Variants in MBOAT2 observed in about 807,000 individuals in gnomAD.
MBOAT2 encodes membrane bound glycerophospholipid O-acyltransferase 2.
Under a neutral mutation model 63.4 loss-of-function variants are expected in MBOAT2, and 28 were observed. That is an observed-to-expected ratio of 0.44 (90% CI 0.33 to 0.61). The LOEUF (loss-of-function observed/expected upper bound fraction) is 0.61, where lower values mean the gene tolerates loss of function less well. Among genes scored for constraint, MBOAT2 ranks in the 20% least tolerant of loss-of-function variants. The pLI is 0.03. For synonymous variants in MBOAT2, 211 were observed against 215.6 expected, an observed-to-expected ratio of 0.98 and a Z score of 0.19; for missense variants, 470 against 605.8, an observed-to-expected ratio of 0.78 and a Z score of 2.35.
intron 3 of MBOAT2, among the ~76,000 whole-genome samples, chr2:8,916,490 G>C (rs1412665333): frequency 1.3e-5 from 2 of 152,194 alleles, no homozygotes; most frequent in African/African-American, 2.4e-5. Flanking sequence ...ATATAGAGTG[G>C]AAATTGCTCA....
chr2:8,904,316 ATT>A lies in MBOAT2; in HGVS notation c.395+4303_395+4304del, dbSNP rs59252049. 1.9e-3 allele frequency among the ~76,000 whole-genome samples: 268 copies of A among 142,534 alleles called. 1 individual carries two copies. Among genetic ancestry groups the A allele is most frequent in the African/African-American group, 5.9e-3 (234 of 39,332 alleles). 93.5% of individuals were successfully genotyped at this position (142,534 alleles called of 152,430 possible). Reference sequence around the variant, plus strand: ...ATACTGAAGGTTGTTTTTATTTTTTATTTTTTTTTTTTTGAGATAGGATCTTG... The same window carrying A: ...ATACTGAAGGTTGTTTTTATTTTTTATTTTTTTTTTTGAGATAGGATCTTG... On this transcript the variant is annotated intron_variant, in intron 4 of 12. Coordinates refer to ENST00000305997, the MANE Select transcript of MBOAT2 (RefSeq NM_138799.4).
chr2:8,908,737 A>T (rs1048093568), intron 3 of MBOAT2, 21 bp from the exon 4 acceptor site: 2 of 1,436,474 alleles, frequency 1.4e-6, no homozygotes, highest in Non-Finnish European at 1.9e-6. Context: ...AAAATAAGCT[A>T]CATTAATGAA....
Position 8,858,645 on chromosome 2 carries a change from C to CAAAA in MBOAT2, c.*30_*33dup. Reference sequence around the variant, plus strand: ...TGCTAAGATTGGTTTCTGTTAACATCAAAAAAAAAAAACAGCCCTCAGAGC... The same window carrying CAAAA: ...TGCTAAGATTGGTTTCTGTTAACATCAAAAAAAAAAAAAAAACAGCCCTCAGAGC... On this transcript the variant is annotated 3_prime_UTR_variant, in exon 13 of 13. Transcript: ENST00000305997. The CAAAA allele has an allele frequency of 2.4e-6, 3 of 1,233,908 alleles. No individual in the cohort carries two copies. Among genetic ancestry groups the CAAAA allele is most frequent in the South Asian group, 1.5e-5 (1 of 67,454 alleles). 76.4% of individuals were successfully genotyped at this position (1,233,908 alleles called of 1,614,324 possible).
In MBOAT2 at chr2:8,916,243, G is replaced by A. The variant is rs376228459; in HGVS notation, c.300-7527C>T. 3.3e-5 allele frequency among the ~76,000 whole-genome samples: 5 copies of A among 152,260 alleles called. No individual in the cohort carries two copies. In the South Asian group the frequency reaches 6.2e-4, roughly 19 times the overall value. ...GCCTTGTCTCGTGACTTCCAGCTTCGAGAGGTAACTTTCTCTGCTGTTTAC... is the reference window on the plus strand; with the variant it reads ...GCCTTGTCTCGTGACTTCCAGCTTCAAGAGGTAACTTTCTCTGCTGTTTAC... On this transcript the variant is annotated intron_variant, in intron 3 of 12. Coordinates refer to ENST00000305997, the MANE Select transcript of MBOAT2 (RefSeq NM_138799.4).
intron 1 of MBOAT2, among the ~76,000 whole-genome samples, chr2:8,987,138 G>A (rs577819665): frequency 6.6e-6 from 1 of 152,296 alleles, no homozygotes; most frequent in East Asian, 1.9e-4. Context: ...ATGTAAACAA[G>A]AGGAAAAACC....
At chr2:8,959,410 A>C (rs1245493137) in intron 1 of MBOAT2, among the ~76,000 whole-genome samples, 2 of 151,868 alleles carry the variant, frequency 1.3e-5, no homozygotes, top group Non-Finnish European at 2.9e-5. Flanking sequence ...GAAAATAAGA[A>C]TCTCTCATGG....
intron 3 of MBOAT2, among the ~76,000 whole-genome samples, chr2:8,928,588 G>A (rs977369523): frequency 5.9e-5 from 9 of 151,846 alleles, no homozygotes; most frequent in East Asian, 1.9e-4. Context: ...ACCATATTAC[G>A]AATTAAAACT....
At chr2:8,939,343 T>G (rs768656419) in intron 3 of MBOAT2, among the ~76,000 whole-genome samples, 18 of 152,206 alleles carry the variant, frequency 1.2e-4, no homozygotes, top group Non-Finnish European at 1.8e-4. Flanking sequence ...AAGGTGGCAC[T>G]TGAGTAAATC....
rs111628715 is a variant in MBOAT2 at position 8,962,603 on chromosome 2, C to T, written c.76-3961G>A. 1.3e-3 allele frequency among the ~76,000 whole-genome samples: 194 copies of T among 152,210 alleles called. 1 individual carries two copies. The highest frequency in any genetic ancestry group is 4.5e-3 in the African/African-American group (186 of 41,530). On this transcript the variant is annotated intron_variant, in intron 1 of 12. Coordinates refer to ENST00000305997, the MANE Select transcript of MBOAT2 (RefSeq NM_138799.4). ...TGAGTGGGCAAGTAGCAAGAGGGAC[C>T]TTTGGTGGTTTGAGCCTGTGAGATT...
At chr2:8,914,145 C>A (rs1415145013) in intron 3 of MBOAT2, among the ~76,000 whole-genome samples, 1 of 152,102 alleles carries the variant, frequency 6.6e-6, no homozygotes, top group African/African-American at 2.4e-5. Flanking sequence ...CAGAATGATA[C>A]AATGGACTCT....
At chr2:8,875,142 G>A (rs77758030) in intron 7 of MBOAT2, among the ~76,000 whole-genome samples, 12,488 of 152,228 alleles carry the variant, frequency 0.082, 849 homozygotes, top group African/African-American at 0.19. Flanking sequence ...AGTGGGCTCC[G>A]TGAGCATCCT....
In MBOAT2 at chr2:8,855,082, G is replaced by C. The variant is rs575259326; in HGVS notation, c.*3597C>G. 8 of 152,312 alleles carry C rather than the reference G, an allele frequency of 5.3e-5. No individual in the cohort carries two copies. The highest frequency in any genetic ancestry group is 1.0e-4 in the Non-Finnish European group (7 of 68,030). 9.4% of individuals were successfully genotyped at this position (152,312 alleles called of 1,614,324 possible). On this transcript the variant is annotated 3_prime_UTR_variant, in exon 13 of 13. Coordinates refer to ENST00000305997, the MANE Select transcript of MBOAT2 (RefSeq NM_138799.4). The stretch of plus-strand genomic sequence containing the variant: ...CTATTGCCAGTAGAAAAAGTATGTT[G>C]CCATGCCTTCTGATTTAAGGGATTC...
chr2:8,861,807 G>A (rs1487378357), intron 11 of MBOAT2, among the ~76,000 whole-genome samples: 1 of 152,016 alleles, frequency 6.6e-6, no homozygotes, highest in East Asian at 1.9e-4. Context: ...ACACACACAT[G>A]CATAAGGTAT....
At chr2:8,914,631 T>C (rs994284353) in intron 3 of MBOAT2, among the ~76,000 whole-genome samples, 3 of 152,216 alleles carry the variant, frequency 2.0e-5, no homozygotes, top group Non-Finnish European at 4.4e-5. Context: ...AATAAACTCA[T>C]GTATGCATAT....
At chr2:9,001,120 C>T (rs1251143249) in intron 1 of MBOAT2, among the ~76,000 whole-genome samples, 1 of 152,184 alleles carries the variant, frequency 6.6e-6, no homozygotes, top group African/African-American at 2.4e-5. Flanking sequence ...ATGCACGGAG[C>T]TGTCATGTCC....
chr2:8,967,833 C>T (rs746549327), intron 1 of MBOAT2, among the ~76,000 whole-genome samples: 2 of 152,008 alleles, frequency 1.3e-5, no homozygotes, highest in Non-Finnish European at 2.9e-5. Flanking sequence ...TTAGATACAA[C>T]TTCATCACAT....
intron 4 of MBOAT2, 120 bp downstream of exon 4, chr2:8,908,501 T>C: frequency 3.4e-6 from 2 of 592,884 alleles, no homozygotes; most frequent in South Asian, 5.1e-5. Context: ...AAAGAAATTT[T>C]CAACTAAAAT....
rs79911071 is a variant in MBOAT2, at chr2:8,946,024, C to T, written c.222-2760G>A. ...ATAAATAGATTACTTCAATACTGTA[C>T]GATATATGCTAAAAAAGAGATTAGA... On this transcript the variant is annotated intron_variant, in intron 2 of 12. Coordinates refer to ENST00000305997, the MANE Select transcript of MBOAT2 (RefSeq NM_138799.4). Among the ~76,000 whole-genome samples the T allele has an allele frequency of 2.2e-3, 333 of 152,188 alleles. 1 individual carries two copies. The highest frequency in any genetic ancestry group is 7.5e-3 in the African/African-American group (313 of 41,508).
chr2:8,989,756 A>G (rs1671799546), intron 1 of MBOAT2, among the ~76,000 whole-genome samples: 1 of 152,234 alleles, frequency 6.6e-6, no homozygotes, highest in African/African-American at 2.4e-5. Flanking sequence ...TCTAGCAACT[A>G]CAACTATCTA....
Sources: allele counts gnomAD v4.1 joint callset (sites outside exome capture counted in the v4.1 genomes callset), GRCh38; gene constraint gnomAD v4.1.1; transcripts MANE v1.5; gene names NCBI Gene and HGNC (gene_info 2026-07-23, HGNC 2026-07-21).